FAM171A1: variants seen among roughly 807,000 people sequenced by gnomAD.
FAM171A1 encodes protein FAM171A1.
In FAM171A1, 23 loss-of-function variants were observed where a neutral mutation model predicts 74.9. The ratio of observed to expected loss-of-function variants is 0.31; its 90% CI spans 0.22 to 0.44. The LOEUF is 0.44. Among genes scored for constraint, FAM171A1 ranks in the 20% least tolerant of loss-of-function variants. The pLI, the probability that FAM171A1 is intolerant of heterozygous loss-of-function variation, is 1.00. For missense variants in FAM171A1, 1,162 were observed against 1,159.2 expected (o/e 1.00, Z -0.03); for synonymous variants, 527 against 505.7 (o/e 1.04, Z -0.57).
At chr10:15,335,055 A>G (rs34058369) in intron 1 of FAM171A1, among the ~76,000 whole-genome samples, 13,439 of 152,240 alleles carry the variant, frequency 0.088, 648 homozygotes, top group Middle Eastern at 0.11. Context: ...CAGCCTGGGC[A>G]ACAGGGTGAA....
intron 1 of FAM171A1, among the ~76,000 whole-genome samples, chr10:15,317,374 G>C (rs947493969): frequency 1.3e-5 from 2 of 152,056 alleles, no homozygotes; most frequent in Non-Finnish European, 2.9e-5. Flanking sequence ...GTCTGGTTGC[G>C]CTCATATTTT....
At chr10:15,244,348 C>G (rs1427682212) in intron 5 of FAM171A1, among the ~76,000 whole-genome samples, 1 of 152,038 alleles carries the variant, frequency 6.6e-6, no homozygotes, top group South Asian at 2.1e-4. Context: ...GAGTGAGACT[C>G]CGTCTCAAAA....
chr10:15,371,071 G>GAC lies in FAM171A1; in HGVS notation c.-20_-19insGT. On this transcript the variant is annotated 5_prime_UTR_variant, in exon 1 of 8. Coordinates refer to ENST00000378116, the MANE Select transcript of FAM171A1 (RefSeq NM_001010924.2). ...TGCTCATCTCCGCCGCGGGGCCGGCGGCGGCTCGGGCTCGCCGAGAGCGGG... is the reference window on the plus strand; with the variant it reads ...TGCTCATCTCCGCCGCGGGGCCGGCGACGCGGCTCGGGCTCGCCGAGAGCGGG... 1.9e-6 allele frequency: 2 copies of GAC among 1,047,762 alleles called. No individual in the cohort carries two copies. The highest frequency in any genetic ancestry group is 2.3e-6 in the Non-Finnish European group (2 of 863,050). 64.9% of individuals were successfully genotyped at this position (1,047,762 alleles called of 1,614,324 possible). A position where few individuals can be genotyped will look rare whatever the true frequency, so the allele number is the denominator to read the frequency against.
chr10:15,272,699 A>AC (rs1351460512), intron 3 of FAM171A1, among the ~76,000 whole-genome samples: 1 of 152,236 alleles, frequency 6.6e-6, no homozygotes, highest in Non-Finnish European at 1.5e-5. Context: ...TGTCTCTCAG[A>AC]CCACAGTGCA....
chr10:15,228,797 C>G (rs553297731), intron 5 of FAM171A1, among the ~76,000 whole-genome samples: 2 of 152,202 alleles, frequency 1.3e-5, no homozygotes, highest in African/African-American at 2.4e-5. Context: ...TCTGCCACTT[C>G]CTAGTCGTGT....
At chr10:15,325,824 G>A (rs1355875067) in intron 1 of FAM171A1, among the ~76,000 whole-genome samples, 1 of 152,132 alleles carries the variant, frequency 6.6e-6, no homozygotes, top group Non-Finnish European at 1.5e-5. Context: ...GGGAAGTGCT[G>A]TTTCACTCCG....
chr10:15,312,673 GTTTTTTTTTTTTTTTTTTTT>G (rs1169098742), intron 1 of FAM171A1, among the ~76,000 whole-genome samples: 11 of 36,400 alleles, frequency 3.0e-4, no homozygotes, highest in South Asian at 3.3e-3. Context: ...AGCACTGTGT[GTTTTTTTTTTTTTTTTTTTT>G]TTTTTTTTTT....
intron 5 of FAM171A1, among the ~76,000 whole-genome samples, chr10:15,231,260 A>C (rs1834201681): frequency 6.6e-6 from 1 of 151,880 alleles, no homozygotes. Context: ...GCTGGAGTGC[A>C]GTGGTGCAAT....
intron 1 of FAM171A1, among the ~76,000 whole-genome samples, chr10:15,344,228 G>C (rs1350958252): frequency 6.6e-6 from 1 of 152,192 alleles, no homozygotes; most frequent in Non-Finnish European, 1.5e-5. Context: ...CCAAAGAGTA[G>C]GCTCTCTGTC....
chr10:15,355,167 C>A (rs1835918780), intron 1 of FAM171A1, among the ~76,000 whole-genome samples: 2 of 152,188 alleles, frequency 1.3e-5, no homozygotes, highest in Admixed American at 6.5e-5. Context: ...TCACTGCAGC[C>A]TAGACCTTCC....
intron 2 of FAM171A1, among the ~76,000 whole-genome samples, chr10:15,279,170 G>A (rs752336679): frequency 2.6e-5 from 4 of 152,308 alleles, no homozygotes; most frequent in East Asian, 1.9e-4. Flanking sequence ...TGTGACCATC[G>A]CAGTGTGTTT....
chr10:15,330,896 A>AC (rs1835621753), intron 1 of FAM171A1, among the ~76,000 whole-genome samples: 1 of 133,992 alleles, frequency 7.5e-6, no homozygotes, highest in Non-Finnish European at 1.6e-5. Flanking sequence ...TTTTTATTTT[A>AC]TTTTTTTTTT....
chr10:15,350,643 TTC>T (rs764710865), intron 1 of FAM171A1, among the ~76,000 whole-genome samples: 1 of 150,106 alleles, frequency 6.7e-6, no homozygotes, highest in African/African-American at 2.5e-5. Flanking sequence ...GCCCAGCCAA[TTC>T]TCTCTTTTTT....
In FAM171A1 at chr10:15,284,016, T is replaced by C. The variant is rs146159547; in HGVS notation, c.187A>G (p.Ile63Val). 1.2e-6 allele frequency: 2 copies of C among 1,614,164 alleles called. No homozygotes were observed. The highest frequency in any genetic ancestry group is 1.7e-6 in the Non-Finnish European group (2 of 1,180,024). Residue 63 changes from isoleucine to valine, a missense_variant, in exon 2 of 8, where the codon ATA becomes GTA. By Grantham distance (29) the Ile-to-Val change is conservative (BLOSUM62 3). Transcript: ENST00000378116. ...TCAGTCCCCGAGGTGCCAGAGGCTA[T>C]GGAGGCCTGGTTGGTGAAGATCTCG... ...LIEIFTNQAS[I>V]ASGTSGTDGV...
intron 2 of FAM171A1, 63 bp downstream of exon 2, chr10:15,283,815 C>A: frequency 6.5e-7 from 1 of 1,533,154 alleles, no homozygotes. Context: ...AGACTCCTGG[C>A]CTTATGCGAT....
At chr10:15,323,137 CA>C (rs71287331) in intron 1 of FAM171A1, among the ~76,000 whole-genome samples, 462 of 109,228 alleles carry the variant, frequency 4.2e-3, no homozygotes, top group East Asian at 8.9e-3. Flanking sequence ...AAGACTGTCT[CA>C]AAAAAAAAAA....
At chr10:15,274,037 C>A (rs986637502) in intron 3 of FAM171A1, among the ~76,000 whole-genome samples, 2 of 151,982 alleles carry the variant, frequency 1.3e-5, no homozygotes, top group Non-Finnish European at 2.9e-5. Flanking sequence ...CTGGCCAGGG[C>A]AATCAGGCAG....
intron 1 of FAM171A1, among the ~76,000 whole-genome samples, chr10:15,347,119 A>G (rs1835825586): frequency 6.6e-6 from 1 of 152,232 alleles, no homozygotes; most frequent in South Asian, 2.1e-4. Flanking sequence ...CTGAGCAACA[A>G]TAGCCAACTA....
At chr10:15,224,665 C>T (rs1428966195) in intron 5 of FAM171A1, among the ~76,000 whole-genome samples, 1 of 152,084 alleles carries the variant, frequency 6.6e-6, no homozygotes, top group Non-Finnish European at 1.5e-5. Context: ...GGGAGTTTCC[C>T]TTTACAAGTT....
Sources: allele counts gnomAD v4.1 joint callset (sites outside exome capture counted in the v4.1 genomes callset), GRCh38; gene constraint gnomAD v4.1.1; transcripts MANE v1.5; gene names NCBI Gene and HGNC (gene_info 2026-07-23, HGNC 2026-07-21).